C1orf21: variants seen among roughly 807,000 people sequenced by gnomAD.
C1orf21 encodes the protein uncharacterized protein C1orf21.
C1orf21 carries 3 observed loss-of-function variants against 18.7 expected under a neutral mutation model. That is an observed-to-expected ratio of 0.16 (90% CI 0.07 to 0.42). C1orf21 has a LOEUF of 0.42. C1orf21 is among the 10% of genes least tolerant of loss of function. The pLI is 0.99. For missense variants in C1orf21, 104 were observed against 143.6 expected, an observed-to-expected ratio of 0.72 and a Z score of 1.41; for synonymous variants, 41 against 46.4, an observed-to-expected ratio of 0.88 and a Z score of 0.47.
At chr1:184,418,210 G>A (rs1465076097) in intron 1 of C1orf21, among the ~76,000 whole-genome samples, 1 of 145,098 alleles carries the variant, frequency 6.9e-6, no homozygotes, top group Non-Finnish European at 1.5e-5. Flanking sequence ...CTCCAATAGA[G>A]TTATCATAAC....
chr1:184,477,964 G>T (rs943988013), intron 2 of C1orf21, among the ~76,000 whole-genome samples: 2 of 152,204 alleles, frequency 1.3e-5, no homozygotes, highest in African/African-American at 4.8e-5. Context: ...AGGTGAAAGG[G>T]TGATGAGACC....
intron 2 of C1orf21, among the ~76,000 whole-genome samples, chr1:184,482,130 G>A (rs528025060): frequency 9.1e-4 from 138 of 152,218 alleles, no homozygotes; most frequent in African/African-American, 2.9e-3. Flanking sequence ...TATTCCTCAC[G>A]ATTCTGGGGG....
chr1:184,604,418 A>G (rs1367344333), intron 5 of C1orf21, among the ~76,000 whole-genome samples: 1 of 152,210 alleles, frequency 6.6e-6, no homozygotes, highest in East Asian at 1.9e-4. Flanking sequence ...TTGCTGGCAT[A>G]TGTAGTTTAG....
At chr1:184,586,438 C>T (rs987523007) in intron 3 of C1orf21, among the ~76,000 whole-genome samples, 1 of 152,000 alleles carries the variant, frequency 6.6e-6, no homozygotes, top group African/African-American at 2.4e-5. Context: ...CGCCCGCCAC[C>T]TCGCCCGGCT....
chr1:184,618,798 G>A (rs1273033914), intron 5 of C1orf21, among the ~76,000 whole-genome samples: 2 of 152,158 alleles, frequency 1.3e-5, no homozygotes, highest in Non-Finnish European at 2.9e-5. Flanking sequence ...CAGACCAAGA[G>A]AGTCATGTGT....
intron 2 of C1orf21, among the ~76,000 whole-genome samples, chr1:184,487,819 G>A (rs1157299064): frequency 2.6e-5 from 4 of 152,154 alleles, no homozygotes; most frequent in Non-Finnish European, 5.9e-5. Context: ...TCCCATCTGT[G>A]TAGTGTGGGG....
chr1:184,477,602 C>G lies in C1orf21; in HGVS notation c.93C>G (p.Gly31=), dbSNP rs563292277. Residue 31 remains glycine, a splice_region_variant and synonymous_variant, in exon 2 of 6, where the codon GGC becomes GGG. Transcript: ENST00000235307. ...GKNYQNGDVF[G]DEYRIKPVEE... Reference sequence around the variant, plus strand: ...ACTACCAGAACGGAGATGTGTTTGGCGGTGAGTCCTATCAAACTTGACTCT... The same window carrying G: ...ACTACCAGAACGGAGATGTGTTTGGGGGTGAGTCCTATCAAACTTGACTCT... The G allele has an allele frequency of 6.2e-7, 1 of 1,613,280 alleles. No individual in the cohort carries two copies. Among genetic ancestry groups the G allele is most frequent in the South Asian group, 1.1e-5 (1 of 91,006 alleles).
intron 1 of C1orf21, among the ~76,000 whole-genome samples, chr1:184,433,777 T>C (rs886091356): frequency 2.0e-5 from 3 of 152,158 alleles, no homozygotes; most frequent in South Asian, 2.1e-4. Context: ...CTGGACCAAA[T>C]AGTTTTGGTC....
Position 184,626,333 on chromosome 1 carries a change from G to A in C1orf21, c.*6777G>A, listed in dbSNP as rs1175504498. 6.6e-6 allele frequency: 1 copy of A among 152,266 alleles called. No individual in the cohort carries two copies. The highest frequency in any genetic ancestry group is 1.5e-5 in the Non-Finnish European group (1 of 68,128). The allele number at this position is 152,266 out of a possible 1,614,324, so 9.4% of individuals were successfully genotyped here. Reference sequence around the variant, plus strand: ...AGAGGTGACATCAAAGCCCGGATGTGTCAGAGGACTGAGGGAGAGTGTTAC... The same window carrying A: ...AGAGGTGACATCAAAGCCCGGATGTATCAGAGGACTGAGGGAGAGTGTTAC... On this transcript the variant is annotated 3_prime_UTR_variant, in exon 6 of 6. Transcript: ENST00000235307.
chr1:184,442,987 C>T (rs551818627), intron 1 of C1orf21, among the ~76,000 whole-genome samples: 1 of 152,232 alleles, frequency 6.6e-6, no homozygotes, highest in South Asian at 2.1e-4. Flanking sequence ...CTGCATTCTT[C>T]CTGTCCAACT....
At chr1:184,410,663 A>ATATATATAT (rs67546366) in intron 1 of C1orf21, among the ~76,000 whole-genome samples, 4 of 7,674 alleles carry the variant, frequency 5.2e-4, no homozygotes, top group Non-Finnish European at 7.7e-4. Flanking sequence ...ATATATATAT[A>ATATATATAT]TTTTTTTTTT....
intron 2 of C1orf21, among the ~76,000 whole-genome samples, chr1:184,493,194 G>C (rs1657839622): frequency 6.6e-6 from 1 of 152,174 alleles, no homozygotes; most frequent in Non-Finnish European, 1.5e-5. Context: ...AAAGTTTCTT[G>C]GTTGGAACAG....
intron 3 of C1orf21, among the ~76,000 whole-genome samples, chr1:184,569,663 C>T (rs1659081989): frequency 1.3e-5 from 2 of 152,086 alleles, no homozygotes; most frequent in Admixed American, 1.3e-4. Flanking sequence ...TCGAGGACAG[C>T]CTGGGCAATA....
intron 5 of C1orf21, among the ~76,000 whole-genome samples, chr1:184,601,497 C>T (rs1315357244): frequency 6.6e-6 from 1 of 152,192 alleles, no homozygotes; most frequent in East Asian, 1.9e-4. Context: ...TACTCTAATT[C>T]AGAGATTGTC....
At chr1:184,419,257 T>C (rs778616790) in intron 1 of C1orf21, among the ~76,000 whole-genome samples, 2 of 152,222 alleles carry the variant, frequency 1.3e-5, no homozygotes, top group Admixed American at 6.5e-5. Flanking sequence ...TTGGTGAAGA[T>C]AAAATGAGAA....
chr1:184,438,162 G>A (rs1236863270), intron 1 of C1orf21, among the ~76,000 whole-genome samples: 1 of 152,152 alleles, frequency 6.6e-6, no homozygotes, highest in East Asian at 1.9e-4. Flanking sequence ...AAAAGAGGAG[G>A]CTAAAGAGTT....
At chr1:184,616,778 C>T (rs555489629) in intron 5 of C1orf21, among the ~76,000 whole-genome samples, 10 of 152,196 alleles carry the variant, frequency 6.6e-5, no homozygotes, top group African/African-American at 1.7e-4. Flanking sequence ...CGTTCTTCCT[C>T]ATGGATGAAG....
chr1:184,528,078 G>A (rs954655393), intron 3 of C1orf21, among the ~76,000 whole-genome samples: 11 of 152,144 alleles, frequency 7.2e-5, no homozygotes, highest in South Asian at 2.1e-4. Context: ...TAAGTGCTGT[G>A]TAAGTGTTTA....
chr1:184,490,738 C>T (rs1301913756), intron 2 of C1orf21, among the ~76,000 whole-genome samples: 3 of 152,074 alleles, frequency 2.0e-5, no homozygotes, highest in African/African-American at 7.2e-5. Context: ...TCTAAGTGTT[C>T]AGCCTCACCT....
Sources: allele counts gnomAD v4.1 joint callset (sites outside exome capture counted in the v4.1 genomes callset), GRCh38; gene constraint gnomAD v4.1.1; transcripts MANE v1.5; gene names NCBI Gene and HGNC (gene_info 2026-07-23, HGNC 2026-07-21).